MTA1: variants seen among roughly 807,000 people sequenced by gnomAD.
MTA1 encodes metastasis associated 1, also known as metastasis-associated protein MTA1.
Under a neutral mutation model 97.0 loss-of-function variants are expected in MTA1, and 15 were observed. The observed-to-expected ratio is 0.15, with a 90% confidence interval of 0.10 to 0.24. The LOEUF is 0.24. Among genes scored for constraint, MTA1 ranks in the 10% least tolerant of loss-of-function variants. The pLI is 1.00. For synonymous variants in MTA1, 435 were observed against 417.5 expected (o/e 1.04, Z -0.51); for missense variants, 709 against 1,015.1 (o/e 0.70, Z 4.10).
Position 105,466,350 on chromosome 14 carries a change from G to A in MTA1, c.1625-76G>A, listed in dbSNP as rs587671250. 19 of 1,350,808 alleles carry A rather than the reference G, an allele frequency of 1.4e-5. No individual in the cohort carries two copies. In the East Asian group the frequency reaches 3.9e-4, roughly 28 times the overall value. The allele number at this position is 1,350,808 out of a possible 1,614,324, so 83.7% of individuals were successfully genotyped here. A position where few individuals can be genotyped will look rare whatever the true frequency, so the allele number is the denominator to read the frequency against. On this transcript the variant is annotated intron_variant, in intron 16 of 20. Transcript: ENST00000331320. ...TCCTGGGGGTATCCCGGAACCATGA[G>A]GGCTGGAGCCTGGGCCTGCCTGCCC...
intron 1 of MTA1, among the ~76,000 whole-genome samples, chr14:105,425,633 G>C (rs1185656878): frequency 6.6e-6 from 1 of 152,056 alleles, no homozygotes; most frequent in African/African-American, 2.4e-5. Flanking sequence ...TGGGCTCACT[G>C]CTTTCTGGGG....
rs2081957258 is a variant in MTA1, at chr14:105,424,680, GA to G, written c.28+4618del. On this transcript the variant is annotated intron_variant, in intron 1 of 20. Coordinates refer to ENST00000331320, the MANE Select transcript of MTA1 (RefSeq NM_004689.4). This position sits in a 1 kb window ranked among gnomAD's most constrained non-coding sequence, Gnocchi z 4.0. Reference sequence around the variant, plus strand: ...CTGGCTAGTTTTTGTGTTTTTAGTAGAGACAGGGTTTCACCATCTAGGCCAG... The same window carrying G: ...CTGGCTAGTTTTTGTGTTTTTAGTAGGACAGGGTTTCACCATCTAGGCCAG... Among the ~76,000 whole-genome samples the G allele has an allele frequency of 6.6e-6, 1 of 151,470 alleles. No individual in the cohort carries two copies. The highest frequency in any genetic ancestry group is 2.4e-5 in the African/African-American group (1 of 41,140).
chr14:105,456,577 C>T (rs916903920), intron 7 of MTA1, among the ~76,000 whole-genome samples: 3 of 152,228 alleles, frequency 2.0e-5, no homozygotes, highest in Non-Finnish European at 4.4e-5. Flanking sequence ...CAGAGCTTTC[C>T]CCACCTCCGA....
At chr14:105,449,330 C>T in intron 3 of MTA1, 29 bp from the exon 4 acceptor site, 1 of 1,607,964 alleles carries the variant, frequency 6.2e-7, no homozygotes, top group Non-Finnish European at 8.5e-7. Context: ...GCTGACCGTG[C>T]TGCCGGGTGC....
At position 105,442,983 on chromosome 14, in the gene MTA1, C is replaced by T. The variant is rs587663659; in HGVS notation, c.97-2435C>T. Among the ~76,000 whole-genome samples the T allele has an allele frequency of 5.3e-5, 8 of 152,338 alleles. No homozygotes were observed. In the East Asian group the frequency reaches 1.5e-3, roughly 29 times the overall value. ...ATGCGGAAGAGCCTGGCCCCACGGT[C>T]CCAGCTGCCCGGGTGGGGTGGCTGC... On this transcript the variant is annotated intron_variant, in intron 2 of 20. Transcript: ENST00000331320.
chr14:105,467,775 C>G (rs587769356), intron 18 of MTA1: 1 of 285,562 alleles, frequency 3.5e-6, no homozygotes, highest in Non-Finnish European at 6.9e-6. Flanking sequence ...TTGTCTGTTC[C>G]TAATGGCAGG....
chr14:105,464,793 G>C lies in MTA1; in HGVS notation c.1464G>C (p.Glu488Asp). 1 of 1,605,912 alleles carries C rather than the reference G, an allele frequency of 6.2e-7. No individual in the cohort carries two copies. The highest frequency in any genetic ancestry group is 8.5e-7 in the Non-Finnish European group (1 of 1,174,576). Residue 488 changes from glutamate (E) to aspartate (D), a missense_variant, in exon 15 of 21, where the codon GAG becomes GAC. Coordinates refer to ENST00000331320, the MANE Select transcript of MTA1 (RefSeq NM_004689.4). ...LTRIARRLCR[E>D]ILRPWHAARH... ...GGATCGCCCGGCGCCTGTGCCGTGA[G>C]ATCCTGCGCCCGTGGCACGCTGCGC...
chr14:105,449,506 T>C, intron 4 of MTA1, 97 bp downstream of exon 4: 2 of 1,334,220 alleles, frequency 1.5e-6, no homozygotes, highest in Non-Finnish European at 2.1e-6. Context: ...GCGGGCCGCC[T>C]GCATGCCTGT....
chr14:105,425,931 C>A (rs1357750531), intron 1 of MTA1, among the ~76,000 whole-genome samples: 1 of 152,062 alleles, frequency 6.6e-6, no homozygotes, highest in Non-Finnish European at 1.5e-5. Flanking sequence ...GGCCATGCAG[C>A]GCACCTGAGG....
chr14:105,450,671 T>C (rs1261976033), intron 6 of MTA1, among the ~76,000 whole-genome samples: 4 of 152,066 alleles, frequency 2.6e-5, no homozygotes, highest in African/African-American at 7.2e-5. Context: ...TTGGCTGGTC[T>C]CTCCTGGGCG....
At position 105,470,096 on chromosome 14, in the gene MTA1, A is replaced by G; in HGVS notation, c.2029A>G (p.Thr677Ala). 6 of 1,612,520 alleles carry G rather than the reference A, an allele frequency of 3.7e-6. No individual in the cohort carries two copies. Among genetic ancestry groups the G allele is most frequent in the Non-Finnish European group, 5.1e-6 (6 of 1,179,830 alleles). The part of the protein sequence containing the change: ...KIRKLLSSSE[T>A]KRAARRPYKP... ...CCGCAAGCTGCTCTCATCCTCGGAAACCAAGCGTGCTGCCCGCCGGCCCTA... is the reference window on the plus strand; with the variant it reads ...CCGCAAGCTGCTCTCATCCTCGGAAGCCAAGCGTGCTGCCCGCCGGCCCTA... Residue 677 changes from threonine (T) to alanine (A), a missense_variant, in exon 21 of 21, where the codon ACC (threonine) becomes GCC (alanine). Transcript: ENST00000331320.
intron 1 of MTA1, among the ~76,000 whole-genome samples, chr14:105,423,756 T>C (rs1193805055): frequency 6.6e-6 from 1 of 152,264 alleles, no homozygotes; most frequent in Non-Finnish European, 1.5e-5. Flanking sequence ...AATGTTGCTT[T>C]TGTATTTTTA....
At chr14:105,457,723 C>T (rs1049369908) in intron 7 of MTA1, among the ~76,000 whole-genome samples, 7 of 152,282 alleles carry the variant, frequency 4.6e-5, no homozygotes, top group South Asian at 2.1e-4. Flanking sequence ...GTCAAGAGTT[C>T]GAGACCAGCC....
chr14:105,451,789 T>C (rs1478459389), intron 6 of MTA1, among the ~76,000 whole-genome samples: 10 of 140,020 alleles, frequency 7.1e-5, no homozygotes, highest in East Asian at 2.1e-4. Context: ...TTTTGTTTTT[T>C]TTTTTTTTTT....
chr14:105,448,325 C>G (rs1555427739), intron 3 of MTA1, among the ~76,000 whole-genome samples: 3 of 152,118 alleles, frequency 2.0e-5, no homozygotes, highest in Admixed American at 6.5e-5. Context: ...AGCTGTAGGC[C>G]CACCTCGCCC....
intron 1 of MTA1, among the ~76,000 whole-genome samples, chr14:105,436,530 G>A (rs2082329257): frequency 6.6e-6 from 1 of 152,120 alleles, no homozygotes; most frequent in South Asian, 2.1e-4. Flanking sequence ...CCACATCTTG[G>A]TTTTCCTGCG....
Position 105,458,329 on chromosome 14 carries a change from C to A in MTA1, c.610C>A (p.Pro204Thr). Residue 204 changes from proline (P) to threonine (T), a missense_variant, in exon 8 of 21, where the codon CCA (proline) becomes ACA (threonine). Pro to Thr is a conservative substitution (Grantham distance 38). Coordinates refer to ENST00000331320, the MANE Select transcript of MTA1 (RefSeq NM_004689.4). Reference sequence around the variant, plus strand: ...GACCCAGGTGTGGGAGGCGCACAACCCACTCACAGACAAGCAGATCGACCA... The same window carrying A: ...GACCCAGGTGTGGGAGGCGCACAACACACTCACAGACAAGCAGATCGACCA... ...LETQVWEAHN[P>T]LTDKQIDQFL... 1 of 1,612,780 alleles carries A rather than the reference C, an allele frequency of 6.2e-7. No homozygotes were observed. Among genetic ancestry groups the A allele is most frequent in the Non-Finnish European group, 8.5e-7 (1 of 1,179,938 alleles).
chr14:105,441,773 G>C (rs587729119), intron 2 of MTA1, among the ~76,000 whole-genome samples: 4 of 152,084 alleles, frequency 2.6e-5, no homozygotes, highest in Admixed American at 6.6e-5. Flanking sequence ...CAGCCTGGGC[G>C]ACAGAGCGAG....
chr14:105,445,931 A>G (rs2082704153), intron 3 of MTA1: 1 of 335,106 alleles, frequency 3.0e-6, no homozygotes, highest in African/African-American at 2.2e-5. Context: ...GATTCTGAGT[A>G]GTGTTTTCAG....
Sources: allele counts gnomAD v4.1 joint callset (sites outside exome capture counted in the v4.1 genomes callset), GRCh38; gene constraint gnomAD v4.1.1; non-coding constraint Gnocchi (gnomAD v3.1); transcripts MANE v1.5; gene names NCBI Gene and HGNC (gene_info 2026-07-23, HGNC 2026-07-21).